TOR1AIP1: variants seen among roughly 807,000 people sequenced by gnomAD.
The protein encoded by TOR1AIP1 is torsin-1A-interacting protein 1.
TOR1AIP1 carries 54 observed loss-of-function variants against 63.3 expected under a neutral mutation model. The observed-to-expected ratio is 0.85, with a 90% CI of 0.69 to 1.07. The LOEUF (loss-of-function observed/expected upper bound fraction) is 1.07. TOR1AIP1 is among the 50% of genes least tolerant of loss of function. TOR1AIP1 has a pLI of 0.00. For missense variants in TOR1AIP1, 736 were observed against 715.0 expected (o/e 1.03, Z -0.33); for synonymous variants, 294 against 273.5 (o/e 1.07, Z -0.74).
intron 2 of TOR1AIP1, 82 bp downstream of exon 2, chr1:179,884,851 T>A: frequency 8.9e-7 from 1 of 1,128,860 alleles, no homozygotes; most frequent in Non-Finnish European, 1.3e-6. Context: ...TAAGTATGTG[T>A]AAAGAAAAGA....
intron 8 of TOR1AIP1, among the ~76,000 whole-genome samples, chr1:179,909,071 GA>G (rs532921136): frequency 7.6e-4 from 116 of 152,210 alleles, no homozygotes; most frequent in African/African-American, 2.5e-3. Context: ...TGAAGCAGGA[GA>G]ATGGTGTGAA....
chr1:179,907,935 G>A, intron 7 of TOR1AIP1, 71 bp downstream of exon 7: 1 of 172,290 alleles, frequency 5.8e-6, no homozygotes, highest in Non-Finnish European at 7.5e-6. Context: ...TTTTTTTTTT[G>A]AGACGATGTC....
intron 6 of TOR1AIP1, 83 bp from the exon 7 acceptor site, chr1:179,907,740 T>A: frequency 9.4e-7 from 1 of 1,063,854 alleles, no homozygotes; most frequent in Non-Finnish European, 1.3e-6. Context: ...GTATCCACAG[T>A]AAACAAGCAA....
intron 3 of TOR1AIP1, among the ~76,000 whole-genome samples, chr1:179,890,122 AC>A (rs1250563741): frequency 6.6e-6 from 1 of 152,208 alleles, no homozygotes; most frequent in African/African-American, 2.4e-5. Context: ...TATACTGCTA[AC>A]AAAAAATTCA....
At chr1:179,897,282 A>T (rs2148475372) in intron 3 of TOR1AIP1, among the ~76,000 whole-genome samples, 1 of 152,312 alleles carries the variant, frequency 6.6e-6, no homozygotes, top group South Asian at 2.1e-4. Flanking sequence ...GAGCTCCCTT[A>T]TGTAAGCTGG....
At chr1:179,908,718 CTA>C in intron 8 of TOR1AIP1, 45 bp downstream of exon 8, 4 of 1,518,370 alleles carry the variant, frequency 2.6e-6, no homozygotes, top group Non-Finnish European at 3.6e-6. Flanking sequence ...TGTGTATTTG[CTA>C]TGTTTTTCTT....
intron 7 of TOR1AIP1, 40 bp downstream of exon 7, chr1:179,907,904 T>TTA: frequency 8.8e-7 from 1 of 1,130,246 alleles, no homozygotes; most frequent in Non-Finnish European, 1.2e-6. Context: ...AGCCAATCAA[T>TTA]TCTTTTCTCT....
intron 8 of TOR1AIP1, among the ~76,000 whole-genome samples, chr1:179,910,603 T>G (rs1162126898): frequency 6.6e-6 from 1 of 152,220 alleles, no homozygotes; most frequent in Non-Finnish European, 1.5e-5. Context: ...TCCTGACCTA[T>G]TATAGTTAGG....
At chr1:179,895,091 G>A (rs931083474) in intron 3 of TOR1AIP1, among the ~76,000 whole-genome samples, 4 of 152,124 alleles carry the variant, frequency 2.6e-5, no homozygotes, top group African/African-American at 9.7e-5. Context: ...TAAAGACCTC[G>A]GACTTCTGAA....
At chr1:179,912,002 C>CTTTTTTTTT (rs1558046486) in intron 8 of TOR1AIP1, among the ~76,000 whole-genome samples, 1 of 127,986 alleles carries the variant, frequency 7.8e-6, no homozygotes, top group Non-Finnish European at 1.7e-5. Flanking sequence ...TTTCTTTTTT[C>CTTTTTTTTT]TTTTTTTTCT....
chr1:179,894,629 T>G (rs1486365260), intron 3 of TOR1AIP1, among the ~76,000 whole-genome samples: 1 of 151,864 alleles, frequency 6.6e-6, no homozygotes, highest in Non-Finnish European at 1.5e-5. Flanking sequence ...GAGGTTGTAG[T>G]GAGCCGAGAT....
chr1:179,919,182 T>G lies in TOR1AIP1; in HGVS notation c.*943T>G, dbSNP rs1205362891. ...GGGAGGCTGAGGCAGGAGAATTGCT[T>G]GAACCCGGGAGGCGGAGGTTGCAGT... On this transcript the variant is annotated 3_prime_UTR_variant, in exon 10 of 10. Transcript: ENST00000606911. 4 of 152,082 alleles carry G rather than the reference T, an allele frequency of 2.6e-5. No individual in the cohort carries two copies. Among genetic ancestry groups the G allele is most frequent in the Non-Finnish European group, 4.4e-5 (3 of 68,054 alleles). The allele number at this position is 152,082 out of a possible 1,614,324, so 9.4% of individuals were successfully genotyped here. A position where few individuals can be genotyped will look rare whatever the true frequency, so the allele number is the denominator to read the frequency against.
intron 7 of TOR1AIP1, 55 bp downstream of exon 7, chr1:179,907,919 T>TTTC: frequency 8.1e-7 from 1 of 1,234,110 alleles, no homozygotes; most frequent in East Asian, 2.7e-5. Context: ...TTCTCTTTTT[T>TTTC]TTTTTTTTTT....
chr1:179,899,584 C>A (rs1392426356), intron 3 of TOR1AIP1, among the ~76,000 whole-genome samples: 1 of 152,020 alleles, frequency 6.6e-6, no homozygotes, highest in Non-Finnish European at 1.5e-5. Context: ...GTTTTTTTTG[C>A]ATACAAAGGT....
intron 3 of TOR1AIP1, among the ~76,000 whole-genome samples, chr1:179,893,808 A>G (rs1571726101): frequency 1.3e-5 from 2 of 152,174 alleles, no homozygotes; most frequent in Non-Finnish European, 2.9e-5. Context: ...TTGGCCTACA[A>G]TCTTTTTAAT....
chr1:179,884,446 A>G (rs952814803), intron 1 of TOR1AIP1, among the ~76,000 whole-genome samples: 1 of 152,156 alleles, frequency 6.6e-6, no homozygotes, highest in Non-Finnish European at 1.5e-5. Flanking sequence ...GATTTTCTGA[A>G]GTAATATATT....
intron 3 of TOR1AIP1, among the ~76,000 whole-genome samples, chr1:179,892,285 G>A (rs1571724926): frequency 6.6e-6 from 1 of 151,868 alleles, no homozygotes; most frequent in Non-Finnish European, 1.5e-5. Context: ...CAGCCTGGCT[G>A]GCATGGCAAA....
At chr1:179,892,989 C>G (rs1648147427) in intron 3 of TOR1AIP1, among the ~76,000 whole-genome samples, 1 of 151,738 alleles carries the variant, frequency 6.6e-6, no homozygotes, top group Non-Finnish European at 1.5e-5. Flanking sequence ...GCCTATAATC[C>G]CAGCACTTTG....
At chr1:179,891,459 G>A (rs1451581704) in intron 3 of TOR1AIP1, among the ~76,000 whole-genome samples, 1 of 152,044 alleles carries the variant, frequency 6.6e-6, no homozygotes, top group Non-Finnish European at 1.5e-5. Context: ...CCCTGACCTT[G>A]TGATCTACCC....
Sources: gnomAD v4.1 joint callset for allele counts (sites outside exome capture counted in the v4.1 genomes callset) on GRCh38, gnomAD v4.1.1 for gene constraint, MANE v1.5 for transcripts, NCBI Gene and HGNC (gene_info 2026-07-23, HGNC 2026-07-21) for gene names.